ADCY2: variants seen among roughly 807,000 people sequenced by gnomAD.
The protein encoded by ADCY2 is adenylate cyclase 2, also known as adenylate cyclase type 2.
Under a neutral mutation model 125.2 loss-of-function variants are expected in ADCY2, and 31 were observed. That is an observed-to-expected ratio of 0.25 (90% CI 0.19 to 0.33). The LOEUF (loss-of-function observed/expected upper bound fraction) is 0.33. ADCY2 is among the 10% of genes least tolerant of loss of function. The pLI, the probability that ADCY2 is intolerant of heterozygous loss-of-function variation, is 1.00. For synonymous variants in ADCY2, 512 were observed against 548.4 expected, an observed-to-expected ratio of 0.93 and a Z score of 0.93; for missense variants, 904 against 1,418.2, an observed-to-expected ratio of 0.64 and a Z score of 5.82.
chr5:7,589,491 AAAG>A (rs1736761910), intron 3 of ADCY2, among the ~76,000 whole-genome samples: 3 of 65,332 alleles, frequency 4.6e-5, no homozygotes, highest in African/African-American at 7.0e-5. Flanking sequence ...AGAAAGAAAG[AAAG>A]AAAGAAAGAA....
intron 2 of ADCY2, among the ~76,000 whole-genome samples, chr5:7,513,287 A>C (rs1744140644): frequency 1.3e-5 from 2 of 152,230 alleles, no homozygotes; most frequent in South Asian, 4.1e-4. Flanking sequence ...AATTAAACAG[A>C]AGATGGCTTT....
At chr5:7,773,454 G>A (rs1340668069) in intron 18 of ADCY2, among the ~76,000 whole-genome samples, 4 of 152,118 alleles carry the variant, frequency 2.6e-5, no homozygotes, top group Admixed American at 6.6e-5. Context: ...GGTAGGTAGG[G>A]TGTTTAGTGA....
chr5:7,541,117 A>G (rs1734981669), intron 3 of ADCY2, among the ~76,000 whole-genome samples: 1 of 152,134 alleles, frequency 6.6e-6, no homozygotes, highest in Admixed American at 6.6e-5. Context: ...TCTCTTCATG[A>G]AATAAGCAAG....
intron 14 of ADCY2, 149 bp from the exon 15 acceptor site, chr5:7,743,519 T>C (rs1251922246): frequency 2.8e-6 from 2 of 721,140 alleles, no homozygotes; most frequent in Admixed American, 4.7e-5. Context: ...TATGTGGCAT[T>C]TTAGCTCCAT....
chr5:7,710,472 T>G (rs905215939), intron 10 of ADCY2, among the ~76,000 whole-genome samples: 2 of 152,170 alleles, frequency 1.3e-5, no homozygotes, highest in Admixed American at 1.3e-4. Flanking sequence ...TGATGGCATC[T>G]GGAGTGAATG....
At chr5:7,408,245 C>A (rs905991751) in intron 1 of ADCY2, among the ~76,000 whole-genome samples, 1 of 151,710 alleles carries the variant, frequency 6.6e-6, no homozygotes, top group Admixed American at 6.6e-5. Context: ...AAAACTGACA[C>A]CTAAGCAACT....
rs374200662 is a variant in ADCY2, at chr5:7,743,284, G to A, written c.1872-384G>A. Among the ~76,000 whole-genome samples the A allele has an allele frequency of 3.3e-5, 5 of 152,132 alleles. No homozygotes were observed. The East Asian group carries it at 5.8e-4, about 18-fold the overall frequency. On this transcript the variant is annotated intron_variant, in intron 14 of 24. Transcript: ENST00000338316. ...AACTTGAGGACTTCCAGGCTATCAA[G>A]GTGAGGCTGTCCTTAAGGCGGCAGC...
rs1579600295 is a variant in ADCY2, at chr5:7,585,542, G to A, written c.571-40625G>A. On this transcript the variant is annotated intron_variant, in intron 3 of 24. Transcript: ENST00000338316. The stretch of plus-strand genomic sequence containing the variant: ...GAATGCTAATGCAGGCAAATGACAC[G>A]TTTAAACTGAAGTTTTCCATAGTTA... 2.0e-5 allele frequency among the ~76,000 whole-genome samples: 3 copies of A among 152,282 alleles called. No individual in the cohort carries two copies. In the East Asian group the frequency reaches 5.8e-4, roughly 29 times the overall value.
intron 4 of ADCY2, among the ~76,000 whole-genome samples, chr5:7,674,771 G>A (rs968470027): frequency 1.3e-4 from 20 of 152,098 alleles, no homozygotes; most frequent in African/African-American, 4.8e-4. Context: ...TCTCCTCTTG[G>A]CCACTGATTT....
intron 2 of ADCY2, among the ~76,000 whole-genome samples, chr5:7,419,640 A>G (rs1740114189): frequency 6.6e-6 from 1 of 152,084 alleles, no homozygotes; most frequent in African/African-American, 2.4e-5. Flanking sequence ...CATAAACCAC[A>G]TTCAGACTGT....
At chr5:7,530,669 G>A (rs1293036526) in intron 3 of ADCY2, among the ~76,000 whole-genome samples, 3 of 151,996 alleles carry the variant, frequency 2.0e-5, no homozygotes, top group African/African-American at 2.4e-5. Flanking sequence ...GAAATTCCTG[G>A]TGGCTTCATC....
intron 2 of ADCY2, among the ~76,000 whole-genome samples, chr5:7,504,094 A>T (rs981957190): frequency 1.3e-5 from 2 of 152,092 alleles, no homozygotes; most frequent in Non-Finnish European, 2.9e-5. Context: ...GGCTTCTGGG[A>T]TTGAGAAAAA....
intron 3 of ADCY2, among the ~76,000 whole-genome samples, chr5:7,591,161 C>T (rs1314642826): frequency 6.6e-6 from 1 of 152,108 alleles, no homozygotes; most frequent in Non-Finnish European, 1.5e-5. Context: ...CTAAAGCGTG[C>T]AGTTTACATT....
chr5:7,443,419 G>A (rs1199988632), intron 2 of ADCY2, among the ~76,000 whole-genome samples: 1 of 151,796 alleles, frequency 6.6e-6, no homozygotes, highest in African/African-American at 2.4e-5. Flanking sequence ...TTGGGAGGCC[G>A]AGGCGGGTGG....
chr5:7,816,806 G>T, intron 22 of ADCY2, 60 bp from the exon 23 acceptor site: 1 of 1,404,358 alleles, frequency 7.1e-7, no homozygotes, highest in Non-Finnish European at 1.0e-6. Context: ...TGGGACAAAG[G>T]GGAACAGTTT....
At chr5:7,778,464 G>A (rs1429886217) in intron 18 of ADCY2, among the ~76,000 whole-genome samples, 1 of 152,206 alleles carries the variant, frequency 6.6e-6, no homozygotes, top group East Asian at 1.9e-4. Context: ...AGTAAAATAA[G>A]TACTTTCTGG....
intron 3 of ADCY2, among the ~76,000 whole-genome samples, chr5:7,587,644 C>T (rs1303047657): frequency 5.3e-5 from 8 of 152,086 alleles, no homozygotes. Flanking sequence ...TTAAAACCTG[C>T]CTGGATTACT....
intron 4 of ADCY2, among the ~76,000 whole-genome samples, chr5:7,634,064 A>G (rs958820995): frequency 6.6e-6 from 1 of 152,194 alleles, no homozygotes; most frequent in East Asian, 1.9e-4. Context: ...TGTGATTGCC[A>G]TCATATTTTT....
chr5:7,627,751 A>T (rs181640531), intron 4 of ADCY2, among the ~76,000 whole-genome samples: 1 of 152,322 alleles, frequency 6.6e-6, no homozygotes, highest in Admixed American at 6.5e-5. Context: ...AATGGTAATC[A>T]TTCTTTTTTG....
Sources: allele counts gnomAD v4.1 joint callset (sites outside exome capture counted in the v4.1 genomes callset), GRCh38; gene constraint gnomAD v4.1.1; transcripts MANE v1.5; gene names NCBI Gene and HGNC (gene_info 2026-07-23, HGNC 2026-07-21).